CIT: variants seen among roughly 807,000 people sequenced by gnomAD.
The protein encoded by CIT is citron rho-interacting serine/threonine kinase, also known as citron Rho-interacting kinase.
A neutral mutation model predicts 272.7 loss-of-function variants in CIT; 79 were observed. The ratio of observed to expected loss-of-function variants is 0.29; its 90% CI spans 0.24 to 0.35. The LOEUF (loss-of-function observed/expected upper bound fraction) is 0.35. Ranked by LOEUF, CIT falls within the 10% of genes least tolerant of loss-of-function variation. The pLI, the probability that CIT is intolerant of heterozygous loss-of-function variation, is 1.00. For missense variants in CIT, 1,909 were observed against 2,618.3 expected (o/e 0.73, Z 5.91); for synonymous variants, 948 against 995.6 (o/e 0.95, Z 0.90).
intron 41 of CIT, among the ~76,000 whole-genome samples, 177 bp from the exon 42 acceptor site, chr12:119,702,135 C>T (rs1388782644): frequency 2.0e-5 from 3 of 151,128 alleles, no homozygotes; most frequent in African/African-American, 7.3e-5. Context: ...GACAAGATCT[C>T]GCTCTGTCAC....
At chr12:119,852,364 GAGAC>G (rs1970276483) in intron 4 of CIT, among the ~76,000 whole-genome samples, 1 of 152,180 alleles carries the variant, frequency 6.6e-6, no homozygotes, top group Non-Finnish European at 1.5e-5. Flanking sequence ...GGAGACTAAA[GAGAC>G]AGGACAATTA....
intron 5 of CIT, among the ~76,000 whole-genome samples, chr12:119,840,323 A>C (rs771962806): frequency 5.9e-5 from 9 of 152,176 alleles, no homozygotes; most frequent in Non-Finnish European, 8.8e-5. Context: ...GTCTCGAAAA[A>C]AGAAGAAGAA....
intron 9 of CIT, among the ~76,000 whole-genome samples, chr12:119,811,289 G>A (rs1269466102): frequency 6.6e-6 from 1 of 152,110 alleles, no homozygotes. Flanking sequence ...GGGTAACAAA[G>A]CAAGACTCTC....
At position 119,734,288 on chromosome 12, in the gene CIT, C is replaced by A; in HGVS notation, c.3226G>T (p.Asp1076Tyr). The change falls in exon 26 of 48, where the codon GAT (aspartate) becomes TAT (tyrosine). Residue 1076 changes from aspartate (D) to tyrosine (Y), a missense_variant. Physicochemically the swap from Asp to Tyr is radical, Grantham distance 160. Coordinates refer to ENST00000392521, the MANE Select transcript of CIT (RefSeq NM_001206999.2). The stretch of plus-strand genomic sequence containing the variant: ...TGCCGCTCTTTTTCTAGCAGCTCAT[C>A]GTTTAGGGCCTCCAAATCCATGACC... ...EQVMDLEALN[D>Y]ELLEKERQWE... 6.2e-7 allele frequency: 1 copy of A among 1,613,966 alleles called. No homozygotes were observed. Among genetic ancestry groups the A allele is most frequent in the Non-Finnish European group, 8.5e-7 (1 of 1,180,004 alleles).
At chr12:119,747,077 C>T (rs1959527272) in intron 23 of CIT, among the ~76,000 whole-genome samples, 1 of 152,038 alleles carries the variant, frequency 6.6e-6, no homozygotes, top group Non-Finnish European at 1.5e-5. Context: ...ACTGAGGACC[C>T]CAAAGAGCTC....
chr12:119,873,571 C>T (rs980931862), intron 2 of CIT, among the ~76,000 whole-genome samples: 2 of 152,144 alleles, frequency 1.3e-5, no homozygotes, highest in East Asian at 3.8e-4. Context: ...TGAGCCACCA[C>T]GCCCAGCAAG....
At chr12:119,748,563 T>A (rs1174808147) in intron 23 of CIT, among the ~76,000 whole-genome samples, 2 of 152,208 alleles carry the variant, frequency 1.3e-5, no homozygotes, top group Non-Finnish European at 2.9e-5. Flanking sequence ...CGATTTCACA[T>A]CTTGGCTATC....
At chr12:119,754,117 G>A (rs1384911894) in intron 22 of CIT, among the ~76,000 whole-genome samples, 1 of 152,152 alleles carries the variant, frequency 6.6e-6, no homozygotes, top group Non-Finnish European at 1.5e-5. Context: ...ACTGGGCCCT[G>A]AATTAACTCA....
chr12:119,857,649 G>A lies in CIT; in HGVS notation c.288C>T (p.Asp96=). The A allele has an allele frequency of 6.2e-7, 1 of 1,614,166 alleles. No individual in the cohort carries two copies. Among genetic ancestry groups the A allele is most frequent in the East Asian group, 2.2e-5 (1 of 44,878 alleles). The part of the protein sequence containing the change: ...ELQELQPSAK[D]FEVRSLVGCG... ...AACCTACAAGACTTCTGACTTCGAA[G>A]TCCTTTGCCGAAGGCTGGAGCTCCT... is the stretch of plus-strand genomic sequence containing the variant. Residue 96 remains aspartate (D), a synonymous_variant, in exon 4 of 48, where the codon GAC becomes GAT. Transcript: ENST00000392521.
chr12:119,745,374 CAAAAAAAAAA>C (rs757825062), intron 23 of CIT, among the ~76,000 whole-genome samples: 10 of 7,014 alleles, frequency 1.4e-3, no homozygotes, highest in Admixed American at 8.4e-3. Context: ...AAGAAACAAG[CAAAAAAAAAA>C]AAAAAAAAAA....
intron 5 of CIT, among the ~76,000 whole-genome samples, chr12:119,834,590 T>C (rs940297735): frequency 9.2e-5 from 14 of 152,370 alleles, no homozygotes; most frequent in Non-Finnish European, 1.5e-4. Context: ...ACCACTCTTA[T>C]ATCCTTTCTG....
rs1962525439 is a variant in CIT at position 119,766,978 on chromosome 12, C to A, written c.2304+109G>T. ...CCATGGAATAAGGACATTATTCACC[C>A]CAAACAGTACTTTGGTCCAGCAAGA... On this transcript the variant is annotated intron_variant, in intron 19 of 47. Transcript: ENST00000392521. The A allele has an allele frequency of 1.2e-5, 7 of 606,564 alleles. No homozygotes were observed. The Admixed American group carries it at 2.0e-4, about 17-fold the overall frequency. The allele number at this position is 606,564 out of a possible 1,614,324, so 37.6% of individuals were successfully genotyped here.
intron 10 of CIT, among the ~76,000 whole-genome samples, chr12:119,800,706 A>T (rs577565401): frequency 3.6e-4 from 55 of 152,372 alleles, no homozygotes; most frequent in African/African-American, 1.2e-3. Flanking sequence ...TGAGAAAAGA[A>T]AAAGAAACTC....
At chr12:119,746,174 A>T (rs1959368532) in intron 23 of CIT, among the ~76,000 whole-genome samples, 1 of 152,216 alleles carries the variant, frequency 6.6e-6, no homozygotes, top group African/African-American at 2.4e-5. Context: ...GAGAAAGAAT[A>T]AGGCCCTTAT....
intron 4 of CIT, among the ~76,000 whole-genome samples, chr12:119,852,489 G>T (rs377467900): frequency 6.6e-6 from 1 of 152,090 alleles, no homozygotes; most frequent in Non-Finnish European, 1.5e-5. Flanking sequence ...CAAGGCGGGC[G>T]GATCACTTGA....
chr12:119,807,438 A>G (rs1212296184), intron 9 of CIT, among the ~76,000 whole-genome samples: 1 of 152,052 alleles, frequency 6.6e-6, no homozygotes, highest in East Asian at 1.9e-4. Flanking sequence ...CTTATATAAA[A>G]TGTCTCTTTT....
chr12:119,867,954 C>A (rs1414215419), intron 3 of CIT, among the ~76,000 whole-genome samples: 1 of 152,134 alleles, frequency 6.6e-6, no homozygotes, highest in Non-Finnish European at 1.5e-5. Flanking sequence ...TGGGGCCAGG[C>A]ATGGTGGCTC....
At position 119,850,186 on chromosome 12, in the gene CIT, A is replaced by AT; in HGVS notation, c.503dup (p.Asn168LysfsTer21). 1 of 1,604,674 alleles carries AT rather than the reference A, an allele frequency of 6.2e-7. No individual in the cohort carries two copies. The highest frequency in any genetic ancestry group is 8.5e-7 in the Non-Finnish European group (1 of 1,171,544). On this transcript the variant is annotated frameshift_variant, in exon 5 of 48. Coordinates refer to ENST00000392521, the MANE Select transcript of CIT (RefSeq NM_001206999.2). LOFTEE classifies it high-confidence loss of function. Reference sequence around the variant, plus strand: ...TGTAAAGACTCACCAGATAAAGGTGATTTTTGTCCTGAAAGGCATACTGTA... The same window carrying AT: ...TGTAAAGACTCACCAGATAAAGGTGATTTTTTGTCCTGAAAGGCATACTGTA...
intron 10 of CIT, among the ~76,000 whole-genome samples, chr12:119,787,433 A>T (rs1593744444): frequency 3.4e-5 from 1 of 29,220 alleles, no homozygotes; most frequent in African/African-American, 2.9e-4. Context: ...CTTGTCTCTT[A>T]AAAAAAAAAA....
Sources: allele counts gnomAD v4.1 joint callset (sites outside exome capture counted in the v4.1 genomes callset), GRCh38; gene constraint gnomAD v4.1.1; transcripts MANE v1.5; gene names NCBI Gene and HGNC (gene_info 2026-07-23, HGNC 2026-07-21).